Variants in ZNF532 observed in about 807,000 individuals in gnomAD.
The protein encoded by ZNF532 is zinc finger protein 532.
ZNF532 carries 22 observed loss-of-function variants against 89.3 expected under a neutral mutation model. That is an observed-to-expected ratio of 0.25 (90% CI 0.18 to 0.35). ZNF532 has a LOEUF of 0.35. Among genes scored for constraint, ZNF532 ranks in the 10% least tolerant of loss-of-function variants. ZNF532 has a pLI of 1.00. For missense variants in ZNF532, 1,132 were observed against 1,643.4 expected, an observed-to-expected ratio of 0.69 and a Z score of 5.38; for synonymous variants, 606 against 649.6, an observed-to-expected ratio of 0.93 and a Z score of 1.02.
In ZNF532 at chr18:58,916,600, A is replaced by G. The variant is rs1387733553; in HGVS notation, c.-17-1671A>G. 7.5e-6 allele frequency: 4 copies of G among 535,582 alleles called. 1 individual carries two copies. Among genetic ancestry groups the G allele is most frequent in the South Asian group, 1.6e-4 (2 of 12,342 alleles). The allele number at this position is 535,582 out of a possible 1,614,324, so 33.2% of individuals were successfully genotyped here. ...CATGTGACTTCTTCAGCTCGGTATT[A>G]ACCGAGACAGGTGTGAATAGAAGCG... On this transcript the variant is annotated intron_variant, in intron 2 of 9. Coordinates refer to ENST00000591808, the MANE Select transcript of ZNF532 (RefSeq NM_001375912.1).
chr18:58,961,380 G>A (rs1024897657), intron 7 of ZNF532, among the ~76,000 whole-genome samples: 2 of 152,116 alleles, frequency 1.3e-5, no homozygotes, highest in African/African-American at 2.4e-5. Context: ...GCATTTCTCC[G>A]GGGCAGTCAT....
intron 8 of ZNF532, 179 bp downstream of exon 8, chr18:58,979,346 TAAAAA>T (rs201696846): frequency 1.5e-4 from 52 of 347,484 alleles, no homozygotes; most frequent in Non-Finnish European, 6.1e-5. Flanking sequence ...AATATGAAAA[TAAAAA>T]AAAAAGGAGC....
chr18:58,888,741 TTTTATATATATATAA>T lies in ZNF532; in HGVS notation c.-18+23163_-18+23177del, dbSNP rs2058533783. 5.8e-3 allele frequency among the ~76,000 whole-genome samples: 175 copies of T among 30,320 alleles called. 1 individual carries two copies. The highest frequency in any genetic ancestry group is 0.1 in the Middle Eastern group (1 of 10). 19.9% of individuals were successfully genotyped at this position (30,320 alleles called of 152,430 possible). A position where few individuals can be genotyped will look rare whatever the true frequency, so the allele number is the denominator to read the frequency against. On this transcript the variant is annotated intron_variant, in intron 2 of 9. Transcript: ENST00000591808. ...TATATATATAAATTATATATATATA[TTTTATATATATATAA>T]AATTAATATATATAATTTATATATA...
At chr18:58,906,123 C>G (rs948743909) in intron 2 of ZNF532, among the ~76,000 whole-genome samples, 1 of 152,146 alleles carries the variant, frequency 6.6e-6, no homozygotes, top group African/African-American at 2.4e-5. Context: ...GTTTCTTTCT[C>G]CGTGGTAAAG....
At chr18:58,942,221 A>G (rs1388423959) in intron 5 of ZNF532, among the ~76,000 whole-genome samples, 1 of 150,298 alleles carries the variant, frequency 6.7e-6, no homozygotes, top group Non-Finnish European at 1.5e-5. Flanking sequence ...ATGGGGTTTC[A>G]CCGTGTTAGC....
At chr18:58,965,023 T>G (rs12955665) in intron 7 of ZNF532, among the ~76,000 whole-genome samples, 31,301 of 148,790 alleles carry the variant, frequency 0.21, 4,228 homozygotes, top group Middle Eastern at 0.37. Context: ...TTTTTAATAC[T>G]AACTTTTATT....
chr18:58,933,311 C>T (rs1363584713), intron 3 of ZNF532, among the ~76,000 whole-genome samples: 1 of 152,042 alleles, frequency 6.6e-6, no homozygotes, highest in Admixed American at 6.6e-5. Context: ...AAAGAATTTT[C>T]AAGTGAGTTT....
chr18:58,920,957 G>A (rs1440821890), intron 3 of ZNF532, among the ~76,000 whole-genome samples: 12 of 152,140 alleles, frequency 7.9e-5, no homozygotes, highest in Non-Finnish European at 1.5e-4. Flanking sequence ...CAGCAGTGGC[G>A]TGTGCCTGTT....
intron 3 of ZNF532, 126 bp downstream of exon 3, chr18:58,920,759 TG>T: frequency 3.2e-6 from 2 of 625,260 alleles, no homozygotes; most frequent in Non-Finnish European, 5.3e-6. Context: ...TGTGTGTGTG[TG>T]TGTGTGTGTG....
chr18:58,880,327 C>T (rs1372832884), intron 2 of ZNF532, among the ~76,000 whole-genome samples: 1 of 152,160 alleles, frequency 6.6e-6, no homozygotes, highest in Non-Finnish European at 1.5e-5. Context: ...GTCGTTAGGC[C>T]TCAGAGCAGT....
intron 3 of ZNF532, among the ~76,000 whole-genome samples, chr18:58,926,640 AC>A (rs528055849): frequency 2.4e-3 from 367 of 152,248 alleles, no homozygotes; most frequent in Middle Eastern, 6.8e-3. Context: ...GAGCCACTGT[AC>A]CCGGCCTTGT....
intron 6 of ZNF532, among the ~76,000 whole-genome samples, chr18:58,948,523 A>G (rs551705617): frequency 1.2e-4 from 18 of 151,202 alleles, no homozygotes; most frequent in Non-Finnish European, 2.4e-4. Flanking sequence ...GTTTTTTTTA[A>G]TATGTGAAAA....
At chr18:58,952,368 G>T (rs1043747896) in intron 6 of ZNF532, among the ~76,000 whole-genome samples, 1 of 152,150 alleles carries the variant, frequency 6.6e-6, no homozygotes, top group Admixed American at 6.6e-5. Context: ...CAGAGGCAAA[G>T]ATTTTATTTT....
intron 3 of ZNF532, among the ~76,000 whole-genome samples, chr18:58,927,207 C>T (rs779198240): frequency 6.6e-6 from 1 of 152,130 alleles, no homozygotes; most frequent in Non-Finnish European, 1.5e-5. Context: ...TCAAAATTTA[C>T]CTTTGCTACT....
In ZNF532 at chr18:58,920,578, A is replaced by G. The variant is rs2060959007; in HGVS notation, c.2291A>G (p.Gln764Arg). The G allele has an allele frequency of 6.2e-7, 1 of 1,607,546 alleles. No individual in the cohort carries two copies. The highest frequency in any genetic ancestry group is 1.3e-5 in the African/African-American group (1 of 74,806). The change falls in exon 3 of 10, where the codon CAG (glutamine) becomes CGG (arginine). Residue 764 changes from glutamine to arginine, a missense_variant. Around this residue, in one of 9 missense-constraint regions of ZNF532, gnomAD observed 100 missense variants for 122.0 expected, o/e 0.82. Coordinates refer to ENST00000591808, the MANE Select transcript of ZNF532 (RefSeq NM_001375912.1). ...TGTTTGGAGTGTAATGAAGTCTTCC[A>G]GGACGAGACATCACTGGCTACACAT... ...LKCLECNEVFQDETSLATHFQ... is the reference protein window; with the variant it reads ...LKCLECNEVFRDETSLATHFQ...
chr18:58,950,120 A>G (rs113353210), intron 6 of ZNF532, among the ~76,000 whole-genome samples: 51 of 152,384 alleles, frequency 3.3e-4, no homozygotes, highest in African/African-American at 1.2e-3. Flanking sequence ...TGTGCCAACA[A>G]CAAAGAAAAG....
chr18:58,959,707 AG>A (rs1264843466), intron 7 of ZNF532, among the ~76,000 whole-genome samples: 1 of 152,204 alleles, frequency 6.6e-6, no homozygotes, highest in African/African-American at 2.4e-5. Flanking sequence ...CGTCAGCTTC[AG>A]TTTGCATAGG....
intron 6 of ZNF532, among the ~76,000 whole-genome samples, chr18:58,949,183 G>T (rs558508694): frequency 5.5e-4 from 83 of 152,248 alleles, no homozygotes; most frequent in Non-Finnish European, 9.3e-4. Context: ...AAGGGGCACA[G>T]AAATCTATTT....
chr18:58,911,172 G>A (rs780562595), intron 2 of ZNF532, among the ~76,000 whole-genome samples: 2 of 152,258 alleles, frequency 1.3e-5, no homozygotes, highest in Non-Finnish European at 2.9e-5. Flanking sequence ...AGAGGACAGA[G>A]CACCAAGGGT....
Sources: allele counts gnomAD v4.1 joint callset (sites outside exome capture counted in the v4.1 genomes callset), GRCh38; gene constraint gnomAD v4.1.1; regional missense constraint gnomAD v4.1.1; transcripts MANE v1.5; gene names NCBI Gene and HGNC (gene_info 2026-07-23, HGNC 2026-07-21).